The following MYT1L variants were observed in gnomAD, a reference collection of about 807,000 sequenced individuals.
MYT1L encodes the protein myelin transcription factor 1 like.
A neutral mutation model predicts 126.7 loss-of-function variants in MYT1L; 12 were observed. The observed-to-expected ratio is 0.09, with a 90% CI of 0.06 to 0.15. The LOEUF (loss-of-function observed/expected upper bound fraction) is 0.15. Ranked by LOEUF, MYT1L falls within the 10% of genes least tolerant of loss-of-function variation. The pLI is 1.00. For synonymous variants in MYT1L, 541 were observed against 604.2 expected (o/e 0.90, Z 1.53); for missense variants, 979 against 1,585.2 (o/e 0.62, Z 6.49).
intron 3 of MYT1L, among the ~76,000 whole-genome samples, chr2:2,096,167 A>G (rs1301531993): frequency 6.6e-6 from 1 of 152,252 alleles, no homozygotes; most frequent in Non-Finnish European, 1.5e-5. Flanking sequence ...AGAAAGAGAC[A>G]TTGAACCAGG....
rs2084579180 is a variant in MYT1L at position 2,144,586 on chromosome 2, A to G, written c.-304+28286T>C. Among the ~76,000 whole-genome samples the G allele has an allele frequency of 2.0e-5, 3 of 152,332 alleles. No individual in the cohort carries two copies. The South Asian group carries it at 6.2e-4, about 32-fold the overall frequency. ...CTTATGGACTAGTGTGGGAAACGGC[A>G]GACACTTTAGGTGCTGGATCCAAAG... On this transcript the variant is annotated intron_variant, in intron 3 of 24. Transcript: ENST00000647738.
At position 2,215,902 on chromosome 2, in the gene MYT1L, G is replaced by C. The variant is rs889329751; in HGVS notation, c.-420-42914C>G. On this transcript the variant is annotated intron_variant, in intron 2 of 24. Transcript: ENST00000647738. ...GTGGAACCTGGTGGAAGGTGTTCGGGTCATAGGGGTGGATCCCTCATGGCA... is the reference window on the plus strand; with the variant it reads ...GTGGAACCTGGTGGAAGGTGTTCGGCTCATAGGGGTGGATCCCTCATGGCA... Among the ~76,000 whole-genome samples the C allele has an allele frequency of 3.9e-5, 6 of 152,128 alleles. No homozygotes were observed. The East Asian group carries it at 1.2e-3, about 29-fold the overall frequency.
At chr2:2,135,473 G>C (rs1326735952) in intron 3 of MYT1L, among the ~76,000 whole-genome samples, 1 of 152,188 alleles carries the variant, frequency 6.6e-6, no homozygotes, top group Non-Finnish European at 1.5e-5. Context: ...AGCAGCATGA[G>C]AACAGGCTAA....
intron 3 of MYT1L, among the ~76,000 whole-genome samples, chr2:2,065,848 GCACACACACA>G (rs10678486): frequency 1.5e-5 from 2 of 135,324 alleles, no homozygotes; most frequent in African/African-American, 2.7e-5. Context: ...ACACACACAC[GCACACACACA>G]CACACACACA....
chr2:1,798,752 TGAAGGC>T (rs1383046445), intron 23 of MYT1L, among the ~76,000 whole-genome samples: 1 of 152,156 alleles, frequency 6.6e-6, no homozygotes, highest in Non-Finnish European at 1.5e-5. Context: ...GCAAGGGGCA[TGAAGGC>T]TGCTGCAGGA....
At chr2:1,924,517 TG>T (rs772984111) in intron 9 of MYT1L, among the ~76,000 whole-genome samples, 32 of 152,304 alleles carry the variant, frequency 2.1e-4, no homozygotes, top group Non-Finnish European at 4.0e-4. Flanking sequence ...AACTGAGATA[TG>T]GGGGCTCTGG....
At chr2:2,057,981 C>T (rs565219871) in intron 3 of MYT1L, among the ~76,000 whole-genome samples, 15 of 152,264 alleles carry the variant, frequency 9.9e-5, no homozygotes, top group South Asian at 8.3e-4. Context: ...CTGGGTCATA[C>T]AGCAATTACA....
intron 18 of MYT1L, among the ~76,000 whole-genome samples, chr2:1,859,825 C>T (rs189822797): frequency 4.6e-5 from 7 of 152,370 alleles, no homozygotes; most frequent in Admixed American, 2.6e-4. Flanking sequence ...GCATGCTGCC[C>T]CAGCGTTGGG....
chr2:2,027,256 C>T (rs1366305469), intron 4 of MYT1L, among the ~76,000 whole-genome samples: 5 of 152,150 alleles, frequency 3.3e-5, no homozygotes, highest in African/African-American at 1.2e-4. Flanking sequence ...GAGCACCCTC[C>T]CGGCTGGTGA....
rs145045659 is a variant in MYT1L, at chr2:2,034,018, G to C, written c.-158+19960C>G. 3.6e-3 allele frequency among the ~76,000 whole-genome samples: 542 copies of C among 152,290 alleles called. 3 individuals carry two copies. Among genetic ancestry groups the C allele is most frequent in the African/African-American group, 0.013 (525 of 41,562 alleles). On this transcript the variant is annotated intron_variant, in intron 4 of 24. Transcript: ENST00000647738. ...GAACCTAAGAAATGAAAACATGCCA[G>C]GGTGGGAGTTAGGGGCCTGGGTTCT...
intron 9 of MYT1L, among the ~76,000 whole-genome samples, chr2:1,931,755 C>A (rs2055023413): frequency 6.6e-6 from 1 of 152,170 alleles, no homozygotes; most frequent in African/African-American, 2.4e-5. Flanking sequence ...AGAAGGGATT[C>A]TCTGGACTGA....
chr2:2,066,956 A>G (rs1202103044), intron 3 of MYT1L, among the ~76,000 whole-genome samples: 1 of 152,250 alleles, frequency 6.6e-6, no homozygotes, highest in Non-Finnish European at 1.5e-5. Flanking sequence ...ATGTTAAAGG[A>G]GGCCTGAATC....
At chr2:1,865,641 T>G (rs1218561420) in intron 18 of MYT1L, among the ~76,000 whole-genome samples, 3 of 152,052 alleles carry the variant, frequency 2.0e-5, no homozygotes, top group African/African-American at 7.2e-5. Flanking sequence ...CCGGATCTCC[T>G]GGAGGCTGGC....
chr2:1,869,878 T>C (rs566881940), intron 18 of MYT1L, among the ~76,000 whole-genome samples: 1 of 152,218 alleles, frequency 6.6e-6, no homozygotes. Context: ...CTGCTCACTA[T>C]ACCACACAGA....
intron 23 of MYT1L, among the ~76,000 whole-genome samples, chr2:1,794,736 G>A (rs1247086771): frequency 6.6e-6 from 1 of 152,156 alleles, no homozygotes; most frequent in Non-Finnish European, 1.5e-5. Context: ...GTTCCTTCCC[G>A]TGCTACCCGG....
chr2:1,791,533 G>T lies in MYT1L; in HGVS notation c.*334C>A. The T allele has an allele frequency of 3.0e-6, 1 of 332,326 alleles. No homozygotes were observed. The highest frequency in any genetic ancestry group is 2.9e-5 in the South Asian group (1 of 34,372). The allele number at this position is 332,326 out of a possible 1,614,324, so 20.6% of individuals were successfully genotyped here. On this transcript the variant is annotated 3_prime_UTR_variant, in exon 25 of 25. Coordinates refer to ENST00000647738, the MANE Select transcript of MYT1L (RefSeq NM_001303052.2). The surrounding 1 kb of genome is among the most constrained non-coding windows in gnomAD (Gnocchi z 6.0). ...AATACTAAAACATTTAATCACTAAA[G>T]CATTAAAAAGAATTTACACTCTATT... is the stretch of plus-strand genomic sequence containing the variant.
chr2:2,233,074 A>T (rs2094198402), intron 2 of MYT1L, among the ~76,000 whole-genome samples: 1 of 152,202 alleles, frequency 6.6e-6, no homozygotes, highest in African/African-American at 2.4e-5. Flanking sequence ...AACATCACAT[A>T]GGCATTCCCT....
At chr2:1,802,534 A>G (rs1042802756) in intron 22 of MYT1L, among the ~76,000 whole-genome samples, 2 of 152,250 alleles carry the variant, frequency 1.3e-5, no homozygotes, top group African/African-American at 2.4e-5. Flanking sequence ...TGCCAGAATG[A>G]TGACCTCGGC....
chr2:1,942,104 G>T (rs138466725), intron 9 of MYT1L, among the ~76,000 whole-genome samples: 1 of 152,286 alleles, frequency 6.6e-6, no homozygotes, highest in East Asian at 1.9e-4. Context: ...CTTACAACAT[G>T]TTTGGGCATT....
Sources: gnomAD v4.1 joint callset for allele counts (sites outside exome capture counted in the v4.1 genomes callset) on GRCh38, gnomAD v4.1.1 for gene constraint, Gnocchi (gnomAD v3.1) non-coding constraint, MANE v1.5 for transcripts, NCBI Gene and HGNC (gene_info 2026-07-23, HGNC 2026-07-21) for gene names.